The following WASF3 variants were observed in gnomAD, a reference collection of about 807,000 sequenced individuals.
WASF3 encodes the protein actin-binding protein WASF3.
A neutral mutation model predicts 46.6 loss-of-function variants in WASF3; 11 were observed. That is an observed-to-expected ratio of 0.24 (90% CI 0.15 to 0.39). WASF3 has a LOEUF of 0.39. WASF3 is among the 10% of genes least tolerant of loss of function. The probability of loss-of-function intolerance (pLI) is 1.00; values close to 1 mark genes in which losing one functional copy is unlikely to be tolerated. For missense variants in WASF3, 576 were observed against 669.8 expected, an observed-to-expected ratio of 0.86 and a Z score of 1.55; for synonymous variants, 242 against 259.7, an observed-to-expected ratio of 0.93 and a Z score of 0.65.
chr13:26,685,947 T>G lies in WASF3; in HGVS notation c.*102T>G, dbSNP rs1241796542. On this transcript the variant is annotated 3_prime_UTR_variant, in exon 10 of 10. Coordinates refer to ENST00000335327, the MANE Select transcript of WASF3 (RefSeq NM_006646.6). ...TCTAATCCCGTAGCATAGCACCTTT[T>G]GTATAAACAATGTGATATTGCTTCT... The G allele has an allele frequency of 6.9e-7, 1 of 1,449,254 alleles. No homozygotes were observed. The highest frequency in any genetic ancestry group is 1.4e-5 in the African/African-American group (1 of 70,778). The allele number at this position is 1,449,254 out of a possible 1,614,324, so 89.8% of individuals were successfully genotyped here. A position where few individuals can be genotyped will look rare whatever the true frequency, so the allele number is the denominator to read the frequency against.
At chr13:26,665,772 C>T (rs1006482454) in intron 4 of WASF3, among the ~76,000 whole-genome samples, 4 of 152,126 alleles carry the variant, frequency 2.6e-5, no homozygotes, top group Admixed American at 2.0e-4. Flanking sequence ...AAACTATCAA[C>T]GATCCCTTTT....
chr13:26,548,913 C>T, the WASF3 span, among the ~76,000 whole-genome samples: 1 of 151,826 alleles, frequency 6.6e-6, no homozygotes, highest in Non-Finnish European at 1.5e-5. Flanking sequence ...CTCTCTGATA[C>T]GCTGGTGGAA....
upstream of WASF3, among the ~76,000 whole-genome samples, chr13:26,554,088 C>CTTTTCTTTCTTTCTTTCT (rs1289008259): frequency 1.4e-4 from 4 of 27,698 alleles, no homozygotes; most frequent in South Asian, 5.0e-3. Context: ...TCCTTCCTTC[C>CTTTTCTTTCTTTCTTTCT]TTCCTTCCTT....
intron 3 of WASF3, among the ~76,000 whole-genome samples, chr13:26,662,072 T>C (rs1019063430): frequency 6.6e-5 from 10 of 152,202 alleles, no homozygotes; most frequent in Non-Finnish European, 1.5e-5. Context: ...TAGTGCATTC[T>C]GGCTGGAGCA....
At chr13:26,600,160 A>G (rs1484999981) in intron 1 of WASF3, among the ~76,000 whole-genome samples, 1 of 152,220 alleles carries the variant, frequency 6.6e-6, no homozygotes, top group African/African-American at 2.4e-5. Flanking sequence ...TAGAGTGGGC[A>G]GTAAGGTGAG....
chr13:26,570,203 G>A (rs776687050), intron 1 of WASF3, among the ~76,000 whole-genome samples: 5 of 152,224 alleles, frequency 3.3e-5, no homozygotes, highest in African/African-American at 1.2e-4. Flanking sequence ...CAGGAGAATC[G>A]CTTGAACCTG....
At chr13:26,571,224 T>C (rs1446746731) in intron 1 of WASF3, among the ~76,000 whole-genome samples, 1 of 152,206 alleles carries the variant, frequency 6.6e-6, no homozygotes, top group African/African-American at 2.4e-5. Flanking sequence ...AGTTTTGACT[T>C]TTCTGATTTT....
At chr13:26,667,320 C>A (rs187638292) in intron 4 of WASF3, among the ~76,000 whole-genome samples, 197 bp from the exon 5 acceptor site, 197 of 152,120 alleles carry the variant, frequency 1.3e-3, no homozygotes, top group African/African-American at 4.5e-3. Flanking sequence ...ATGATTTGAC[C>A]TCATTTCATA....
intron 1 of WASF3, among the ~76,000 whole-genome samples, chr13:26,588,527 A>G (rs1449041987): frequency 6.6e-6 from 1 of 152,178 alleles, no homozygotes; most frequent in Non-Finnish European, 1.5e-5. Flanking sequence ...CCAAAGTCAA[A>G]TAGTATCCCC....
At chr13:26,638,704 G>A (rs1466156476) in intron 2 of WASF3, 1 of 152,184 alleles carries the variant, frequency 6.6e-6, no homozygotes, top group Non-Finnish European at 1.5e-5. Context: ...TGTTAGAGAC[G>A]ATAAAAGCTG....
At chr13:26,650,475 T>C (rs1882281434) in intron 3 of WASF3, among the ~76,000 whole-genome samples, 1 of 152,100 alleles carries the variant, frequency 6.6e-6, no homozygotes. Context: ...CAGAACAAGA[T>C]TCAGATATGG....
At chr13:26,544,779 G>A in the WASF3 span, among the ~76,000 whole-genome samples, 2 of 152,200 alleles carry the variant, frequency 1.3e-5, no homozygotes, top group African/African-American at 4.8e-5. Flanking sequence ...GATCTGACAA[G>A]GTCTCTTAAA....
chr13:26,579,986 A>G (rs1022527000), intron 1 of WASF3, among the ~76,000 whole-genome samples: 1 of 152,160 alleles, frequency 6.6e-6, no homozygotes, highest in Non-Finnish European at 1.5e-5. Context: ...TTCTTAGAAC[A>G]TTACAAGATT....
intron 1 of WASF3, among the ~76,000 whole-genome samples, chr13:26,589,827 G>A (rs1011750732): frequency 5.9e-5 from 9 of 152,130 alleles, no homozygotes; most frequent in African/African-American, 2.2e-4. Context: ...TACTCAATTT[G>A]ACTAGATGTA....
At position 26,557,757 on chromosome 13, in the gene WASF3, C is replaced by T. The variant is rs1214343073; in HGVS notation, c.-171C>T. On this transcript the variant is annotated 5_prime_UTR_variant, in exon 1 of 10. Coordinates refer to ENST00000335327, the MANE Select transcript of WASF3 (RefSeq NM_006646.6). ...GCGAGGCGGGTGCGCCGGGCGGCCG[C>T]GGCGCGGCGGGACCATGGAGCTCAG... The T allele has an allele frequency of 5.0e-5, 12 of 238,308 alleles. No homozygotes were observed. The highest frequency in any genetic ancestry group is 2.3e-4 in the African/African-American group (10 of 42,980). The allele number at this position is 238,308 out of a possible 1,614,324, so 14.8% of individuals were successfully genotyped here.
rs1385648289 is a variant in WASF3 at position 26,686,059 on chromosome 13, GA to G, written c.*217del. 3.6e-6 allele frequency: 2 copies of G among 551,804 alleles called. No individual in the cohort carries two copies. The highest frequency in any genetic ancestry group is 6.2e-6 in the Non-Finnish European group (2 of 321,536). 34.2% of individuals were successfully genotyped at this position (551,804 alleles called of 1,614,324 possible). A position where few individuals can be genotyped will look rare whatever the true frequency, so the allele number is the denominator to read the frequency against. On this transcript the variant is annotated 3_prime_UTR_variant, in exon 10 of 10. Transcript: ENST00000335327. Reference sequence around the variant, plus strand: ...CATAGCAAATTGTGCTGCACATGAGGAAATAGGCTGTCACTATCACATTGTC... The same window carrying G: ...CATAGCAAATTGTGCTGCACATGAGGAATAGGCTGTCACTATCACATTGTC...
chr13:26,614,891 G>A (rs868679051), intron 2 of WASF3, among the ~76,000 whole-genome samples: 1 of 151,826 alleles, frequency 6.6e-6, no homozygotes, highest in African/African-American at 2.4e-5. Flanking sequence ...CACGCCATCT[G>A]CTTGTTTTGC....
chr13:26,685,578 CTGTCCTTAG>C, intron 9 of WASF3, 101 bp from the exon 10 acceptor site: 1 of 1,324,406 alleles, frequency 7.6e-7, no homozygotes, highest in Non-Finnish European at 1.0e-6. Context: ...CTAAAACTTT[CTGTCCTTAG>C]TGTCAGTAGA....
intron 1 of WASF3, among the ~76,000 whole-genome samples, chr13:26,595,609 G>A (rs1593137721): frequency 6.6e-6 from 1 of 152,106 alleles, no homozygotes; most frequent in African/African-American, 2.4e-5. Context: ...TCAAGATACA[G>A]TACTGTCCCA....
Sources: gnomAD v4.1 joint callset for allele counts (sites outside exome capture counted in the v4.1 genomes callset) on GRCh38, gnomAD v4.1.1 for gene constraint, MANE v1.5 for transcripts, NCBI Gene and HGNC (gene_info 2026-07-23, HGNC 2026-07-21) for gene names.